The following ESYT2 variants were observed in gnomAD, a reference collection of about 807,000 sequenced individuals.
ESYT2 encodes the protein extended synaptotagmin-2.
A neutral mutation model predicts 107.2 loss-of-function variants in ESYT2; 54 were observed. The ratio of observed to expected loss-of-function variants is 0.50; its 90% CI spans 0.40 to 0.63. The LOEUF (loss-of-function observed/expected upper bound fraction) is 0.63, where lower values mean the gene tolerates loss of function less well. Ranked by LOEUF, ESYT2 falls within the 30% of genes least tolerant of loss-of-function variation. The pLI is 0.00. For missense variants in ESYT2, 1,020 were observed against 1,094.5 expected, an observed-to-expected ratio of 0.93 and a Z score of 0.96; for synonymous variants, 491 against 434.1, an observed-to-expected ratio of 1.13 and a Z score of -1.63.
intron 3 of ESYT2, among the ~76,000 whole-genome samples, chr7:158,794,441 C>G (rs1839401373): frequency 6.6e-6 from 1 of 152,190 alleles, no homozygotes; most frequent in African/African-American, 2.4e-5. Context: ...CTGCAGTGAG[C>G]TATGATTGTG....
chr7:158,800,734 C>CCT (rs1273541281), intron 1 of ESYT2, among the ~76,000 whole-genome samples: 3 of 117,346 alleles, frequency 2.6e-5, no homozygotes, highest in Admixed American at 2.3e-4. Context: ...CTTTTCTTTT[C>CCT]TTTTTTTTTT....
intron 8 of ESYT2, 70 bp from the exon 9 acceptor site, chr7:158,764,923 G>A (rs775498302): frequency 1.2e-5 from 18 of 1,471,192 alleles, no homozygotes; most frequent in Admixed American, 7.4e-5. Flanking sequence ...AGATAGCTAC[G>A]CACCTAACCC....
At chr7:158,744,398 G>T (rs1390130666) in intron 16 of ESYT2, among the ~76,000 whole-genome samples, 1 of 152,138 alleles carries the variant, frequency 6.6e-6, no homozygotes, top group Non-Finnish European at 1.5e-5. Context: ...TGGGAAAATG[G>T]TGGCAATACA....
At chr7:158,782,214 T>C (rs1212575129) in intron 6 of ESYT2, among the ~76,000 whole-genome samples, 2 of 129,700 alleles carry the variant, frequency 1.5e-5, no homozygotes, top group Non-Finnish European at 3.4e-5. Context: ...TGTGAACGTG[T>C]GAGAACAGAT....
At chr7:158,742,748 AG>A (rs1837259483) in intron 17 of ESYT2, among the ~76,000 whole-genome samples, 1 of 152,226 alleles carries the variant, frequency 6.6e-6, no homozygotes, top group African/African-American at 2.4e-5. Flanking sequence ...TTCTGGTTTT[AG>A]GAAATAACGC....
intron 1 of ESYT2, among the ~76,000 whole-genome samples, chr7:158,827,340 T>C (rs1398326756): frequency 2.6e-5 from 4 of 152,150 alleles, no homozygotes; most frequent in Non-Finnish European, 4.4e-5. Context: ...TGGATGCTAA[T>C]GGACTCTGTT....
At chr7:158,820,943 G>A (rs913477250) in intron 1 of ESYT2, among the ~76,000 whole-genome samples, 1 of 152,168 alleles carries the variant, frequency 6.6e-6, no homozygotes, top group Non-Finnish European at 1.5e-5. Flanking sequence ...ACCTAACACA[G>A]TACCTAGAAC....
chr7:158,737,424 G>A (rs1280024454), intron 19 of ESYT2, among the ~76,000 whole-genome samples: 1 of 152,124 alleles, frequency 6.6e-6, no homozygotes, highest in Non-Finnish European at 1.5e-5. Flanking sequence ...CCAGAGTTTG[G>A]AGGACGTTCC....
At chr7:158,790,251 T>G (rs1389036321) in intron 4 of ESYT2, among the ~76,000 whole-genome samples, 1 of 152,206 alleles carries the variant, frequency 6.6e-6, no homozygotes, top group Non-Finnish European at 1.5e-5. Flanking sequence ...ATTCACTATA[T>G]TTAAATACTT....
At chr7:158,806,062 G>A (rs1473307117) in intron 1 of ESYT2, among the ~76,000 whole-genome samples, 2 of 152,206 alleles carry the variant, frequency 1.3e-5, no homozygotes, top group South Asian at 2.1e-4. Context: ...CAGAGCCGGC[G>A]CCGGGGCACA....
rs112041870 is a variant in ESYT2 at position 158,749,176 on chromosome 7, G to T, written c.1557+473C>A. Among the ~76,000 whole-genome samples the T allele has an allele frequency of 5.1e-3, 770 of 150,976 alleles. 4 individuals carry two copies. The highest frequency in any genetic ancestry group is 0.018 in the African/African-American group (739 of 41,110). On this transcript the variant is annotated intron_variant, in intron 15 of 22. Transcript: ENST00000275418. The stretch of plus-strand genomic sequence containing the variant: ...GGCTGAAGTGCAGTAGTGCAATCTC[G>T]GCTCACTGCAACCTCTGCCTCCCGG...
At chr7:158,800,282 C>T (rs551398026) in intron 1 of ESYT2, among the ~76,000 whole-genome samples, 5 of 152,232 alleles carry the variant, frequency 3.3e-5, no homozygotes, top group African/African-American at 1.2e-4. Context: ...CTCTTGACCT[C>T]GTGATCCGCC....
At chr7:158,821,777 T>A (rs1840291315) in intron 1 of ESYT2, among the ~76,000 whole-genome samples, 1 of 151,966 alleles carries the variant, frequency 6.6e-6, no homozygotes, top group Non-Finnish European at 1.5e-5. Context: ...TTCCATGCAT[T>A]TCCCTCCAGA....
chr7:158,808,316 C>G (rs956014808), intron 1 of ESYT2, among the ~76,000 whole-genome samples: 7 of 152,348 alleles, frequency 4.6e-5, no homozygotes, highest in East Asian at 1.9e-4. Context: ...GAGCCCCGTC[C>G]GGCACGTTCG....
chr7:158,787,338 G>A (rs894120573), intron 6 of ESYT2, among the ~76,000 whole-genome samples: 2 of 152,164 alleles, frequency 1.3e-5, no homozygotes, highest in African/African-American at 2.4e-5. Flanking sequence ...AATACTCACT[G>A]GAGTCTAACG....
At chr7:158,744,311 G>A (rs1037468552) in intron 16 of ESYT2, 1 of 152,172 alleles carries the variant, frequency 6.6e-6, no homozygotes, top group Admixed American at 6.5e-5. Context: ...AATGAGAAAA[G>A]CAGTAATGAC....
At chr7:158,784,323 T>G (rs1839034418) in intron 6 of ESYT2, among the ~76,000 whole-genome samples, 1 of 152,254 alleles carries the variant, frequency 6.6e-6, no homozygotes, top group South Asian at 2.1e-4. Flanking sequence ...TCTGCAAGGC[T>G]GTTAAGAATG....
intron 6 of ESYT2, among the ~76,000 whole-genome samples, chr7:158,776,619 C>T (rs895534499): frequency 2.0e-5 from 3 of 152,198 alleles, no homozygotes; most frequent in African/African-American, 7.2e-5. Flanking sequence ...TTAGGCTCTG[C>T]CTTAAGGAAA....
intron 1 of ESYT2, among the ~76,000 whole-genome samples, chr7:158,827,120 G>C (rs1383665658): frequency 6.8e-6 from 1 of 146,752 alleles, no homozygotes; most frequent in Non-Finnish European, 1.5e-5. Context: ...CCGAGATCAC[G>C]CCATTGCACT....
Sources: gnomAD v4.1 joint callset for allele counts (sites outside exome capture counted in the v4.1 genomes callset) on GRCh38, gnomAD v4.1.1 for gene constraint, MANE v1.5 for transcripts, NCBI Gene and HGNC (gene_info 2026-07-23, HGNC 2026-07-21) for gene names.